Variants in NMBR observed in about 807,000 individuals in gnomAD.
NMBR encodes neuromedin B receptor, also known as neuromedin-B receptor.
Under a neutral mutation model 20.5 loss-of-function variants are expected in NMBR, and 16 were observed. That is an observed-to-expected ratio of 0.78 (90% CI 0.53 to 1.19). The LOEUF (loss-of-function observed/expected upper bound fraction) is 1.19, where lower values mean the gene tolerates loss of function less well. NMBR is among the 50% of genes most tolerant of loss of function. NMBR has a pLI of 0.00. For missense variants in NMBR, 582 were observed against 499.1 expected (o/e 1.17, Z -1.58); for synonymous variants, 212 against 196.6 (o/e 1.08, Z -0.65).
chr6:142,077,852 A>G (rs746978970), intron 3 of NMBR, among the ~76,000 whole-genome samples: 1 of 152,246 alleles, frequency 6.6e-6, no homozygotes, highest in Non-Finnish European at 1.5e-5. Context: ...TGTCACAAGA[A>G]CACTATTTCT....
Position 142,088,803 on chromosome 6 carries a change from G to C in NMBR, c.-145C>G. ...CGCGGGGCAAGCCTCACAGCACCAC[G>C]TCCCTAAGAGTTCAGGACCTGGGGA... is the stretch of plus-strand genomic sequence containing the variant. On this transcript the variant is annotated 5_prime_UTR_variant, in exon 2 of 4. Transcript: ENST00000258042. 1 of 696,292 alleles carries C rather than the reference G, an allele frequency of 1.4e-6. No individual in the cohort carries two copies. The highest frequency in any genetic ancestry group is 2.4e-6 in the Non-Finnish European group (1 of 424,422). 43.1% of individuals were successfully genotyped at this position (696,292 alleles called of 1,614,324 possible).
At chr6:142,077,988 C>T (rs35782283) in intron 3 of NMBR, among the ~76,000 whole-genome samples, 3,107 of 152,038 alleles carry the variant, frequency 0.02, 119 homozygotes, top group African/African-American at 0.07. Context: ...GGGAAAGTTA[C>T]AAATTTGAGT....
Position 142,134,725 on chromosome 6 carries a change from C to G in NMBR, c.-664+12319G>C, listed in dbSNP as rs1445905541. On this transcript the variant is annotated intron_variant, in intron 1 of 3. Transcript: ENST00000258042. Reference sequence around the variant, plus strand: ...GCTTCAGATTTACCTCTTTGGTTTCCAAGTAAAATCTCTTTACCTGTGTGA... The same window carrying G: ...GCTTCAGATTTACCTCTTTGGTTTCGAAGTAAAATCTCTTTACCTGTGTGA... The G allele has an allele frequency of 4.3e-6, 3 of 690,370 alleles. No individual in the cohort carries two copies. The South Asian group carries it at 4.6e-5, about 11-fold the overall frequency. The allele number at this position is 690,370 out of a possible 1,614,324, so 42.8% of individuals were successfully genotyped here.
At chr6:142,127,105 A>G (rs959751117) in intron 1 of NMBR, among the ~76,000 whole-genome samples, 1 of 151,962 alleles carries the variant, frequency 6.6e-6, no homozygotes, top group African/African-American at 2.4e-5. Context: ...GTTTCCTTCC[A>G]GTAATTTTAT....
intron 1 of NMBR, among the ~76,000 whole-genome samples, chr6:142,143,959 T>G (rs539045723): frequency 2.2e-4 from 34 of 152,358 alleles, no homozygotes; most frequent in African/African-American, 7.7e-4. Context: ...TTAAATGTGC[T>G]AATGCAATTC....
Position 142,096,592 on chromosome 6 carries a change from C to G in NMBR, c.-663-7271G>C, listed in dbSNP as rs372627362. ...TTGCTGAGGAGGGCTTTACTTCCAACTATGTGGTCAATTTTGGAATAGGTG... is the reference window on the plus strand; with the variant it reads ...TTGCTGAGGAGGGCTTTACTTCCAAGTATGTGGTCAATTTTGGAATAGGTG... On this transcript the variant is annotated intron_variant, in intron 1 of 3. Coordinates refer to ENST00000258042, the MANE Select transcript of NMBR (RefSeq NM_002511.4). Among the ~76,000 whole-genome samples, 5 of 152,168 alleles carry G rather than the reference C, an allele frequency of 3.3e-5. No individual in the cohort carries two copies. In the East Asian group the frequency reaches 7.7e-4, roughly 24 times the overall value.
At chr6:142,135,984 G>C (rs1020571464) in intron 1 of NMBR, among the ~76,000 whole-genome samples, 2 of 152,146 alleles carry the variant, frequency 1.3e-5, no homozygotes, top group African/African-American at 4.8e-5. Context: ...ATAGCAGCAT[G>C]ATTTATAGTC....
At chr6:142,141,349 AAAAACTACTTT>A (rs1336693194) in intron 1 of NMBR, among the ~76,000 whole-genome samples, 1 of 152,250 alleles carries the variant, frequency 6.6e-6, no homozygotes, top group Non-Finnish European at 1.5e-5. Context: ...CTGGGAAATT[AAAAACTACTTT>A]AAACAAAAAT....
intron 1 of NMBR, among the ~76,000 whole-genome samples, chr6:142,125,189 A>G (rs1195306432): frequency 2.0e-5 from 3 of 151,824 alleles, no homozygotes; most frequent in African/African-American, 7.3e-5. Context: ...ATTGACCTCT[A>G]TTCAACCCCA....
At chr6:142,077,744 C>T (rs1047592511) in intron 3 of NMBR, among the ~76,000 whole-genome samples, 1 of 152,144 alleles carries the variant, frequency 6.6e-6, no homozygotes, top group East Asian at 1.9e-4. Context: ...ATTTCTTTGC[C>T]TTTAATTTGG....
intron 1 of NMBR, among the ~76,000 whole-genome samples, chr6:142,115,816 C>A (rs967150223): frequency 6.6e-6 from 1 of 152,096 alleles, no homozygotes; most frequent in East Asian, 1.9e-4. Context: ...TATCTAATGA[C>A]TTTGAATTAT....
chr6:142,076,192 G>C, intron 3 of NMBR, 143 bp from the exon 4 acceptor site: 1 of 619,034 alleles, frequency 1.6e-6, no homozygotes, highest in Non-Finnish European at 2.7e-6. Context: ...CCTCACCAAA[G>C]TGATGATGGA....
chr6:142,093,880 G>C (rs1777387198), intron 1 of NMBR, among the ~76,000 whole-genome samples: 1 of 151,996 alleles, frequency 6.6e-6, no homozygotes, highest in Non-Finnish European at 1.5e-5. Context: ...TTGTGGTTTT[G>C]ATTTGCATTT....
At chr6:142,127,550 A>G (rs1778061527) in intron 1 of NMBR, among the ~76,000 whole-genome samples, 1 of 151,902 alleles carries the variant, frequency 6.6e-6, no homozygotes, top group South Asian at 2.1e-4. Context: ...TTCAGTAGGG[A>G]TTGCATTGAA....
At chr6:142,092,189 A>G (rs939040419) in intron 1 of NMBR, among the ~76,000 whole-genome samples, 1 of 152,118 alleles carries the variant, frequency 6.6e-6, no homozygotes, top group African/African-American at 2.4e-5. Flanking sequence ...ATACAAATAT[A>G]TAATATTAAA....
intron 2 of NMBR, among the ~76,000 whole-genome samples, chr6:142,087,315 A>G (rs1777217815): frequency 6.6e-6 from 1 of 152,210 alleles, no homozygotes; most frequent in South Asian, 2.1e-4. Context: ...GTTTATCTAA[A>G]TAGCTTAAGT....
At chr6:142,139,209 T>C (rs558518831) in intron 1 of NMBR, among the ~76,000 whole-genome samples, 1 of 152,250 alleles carries the variant, frequency 6.6e-6, no homozygotes, top group African/African-American at 2.4e-5. Flanking sequence ...GAAGATCACT[T>C]TTCCAAAAAA....
intron 2 of NMBR, among the ~76,000 whole-genome samples, chr6:142,085,180 A>G (rs988139910): frequency 1.3e-5 from 2 of 152,156 alleles, no homozygotes; most frequent in Admixed American, 1.3e-4. Flanking sequence ...TTGCCTAGGG[A>G]TGTGTCTGCT....
intron 1 of NMBR, among the ~76,000 whole-genome samples, chr6:142,120,276 A>G (rs953483406): frequency 1.3e-5 from 2 of 151,974 alleles, no homozygotes; most frequent in African/African-American, 4.8e-5. Flanking sequence ...CTCTGAGAAA[A>G]AGGAAACAAA....
Sources: gnomAD v4.1 joint callset for allele counts (sites outside exome capture counted in the v4.1 genomes callset) on GRCh38, gnomAD v4.1.1 for gene constraint, MANE v1.5 for transcripts, NCBI Gene and HGNC (gene_info 2026-07-23, HGNC 2026-07-21) for gene names.